The following FMO2 variants were observed in gnomAD, a reference collection of about 807,000 sequenced individuals.
FMO2 encodes the protein flavin-containing monooxygenase 2.
A neutral mutation model predicts 41.6 loss-of-function variants in FMO2; 33 were observed. That is an observed-to-expected ratio of 0.79 (90% confidence interval 0.60 to 1.06). The LOEUF (loss-of-function observed/expected upper bound fraction) is 1.06. FMO2 is among the 50% of genes least tolerant of loss of function. FMO2 has a pLI of 0.00. For synonymous variants in FMO2, 214 were observed against 219.6 expected (o/e 0.97, Z 0.23); for missense variants, 619 against 632.9 (o/e 0.98, Z 0.23).
At position 171,209,081 on chromosome 1, in the gene FMO2, T is replaced by C; in HGVS notation, c.1544T>C (p.Leu515Pro). Residue 515 changes from leucine (L) to proline (P), a missense_variant, in exon 9 of 9, where the codon CTG (leucine) becomes CCG (proline). By Grantham distance (98) the Leu-to-Pro change is moderately conservative (BLOSUM62 -3). Coordinates refer to ENST00000209929, the MANE Select transcript of FMO2 (RefSeq NM_001460.5). ...TCATCTAATTTCTCAGTTTCTTTTC[T>C]GTTGAAAATCCTGGGCCTTCTTGCT... ...KDSSNFSVSFLLKILGLLAVV... is the reference protein window; with the variant it reads ...KDSSNFSVSFPLKILGLLAVV... The C allele has an allele frequency of 9.7e-7, 1 of 1,030,924 alleles. No homozygotes were observed. Among genetic ancestry groups the C allele is most frequent in the Non-Finnish European group, 1.4e-6 (1 of 707,298 alleles). The allele number at this position is 1,030,924 out of a possible 1,614,324, so 63.9% of individuals were successfully genotyped here. A position where few individuals can be genotyped will look rare whatever the true frequency, so the allele number is the denominator to read the frequency against.
intron 2 of FMO2, among the ~76,000 whole-genome samples, chr1:171,187,143 G>A (rs1657886914): frequency 6.6e-6 from 1 of 152,200 alleles, no homozygotes; most frequent in Admixed American, 6.5e-5. Context: ...AAACAGATAA[G>A]CCCTGACTTA....
intron 2 of FMO2, among the ~76,000 whole-genome samples, chr1:171,187,006 T>C (rs1186321758): frequency 6.6e-6 from 1 of 152,196 alleles, no homozygotes. Context: ...GTTCAATAAA[T>C]GTTAGCTACT....
At chr1:171,205,875 T>C (rs937772477) in intron 7 of FMO2, among the ~76,000 whole-genome samples, 1 of 152,206 alleles carries the variant, frequency 6.6e-6, no homozygotes, top group South Asian at 2.1e-4. Context: ...CAAGAGAATT[T>C]CAACTGGCAT....
intron 5 of FMO2, among the ~76,000 whole-genome samples, chr1:171,202,021 A>G (rs1171153522): frequency 6.6e-6 from 1 of 152,140 alleles, no homozygotes; most frequent in African/African-American, 2.4e-5. Flanking sequence ...TCATTTACAT[A>G]CTTCTGACCA....
rs1323052185 is a variant in FMO2, at chr1:171,211,180, G to A, written c.*2035G>A. 2 of 152,018 alleles carry A rather than the reference G, an allele frequency of 1.3e-5. No homozygotes were observed. The highest frequency in any genetic ancestry group is 2.9e-5 in the Non-Finnish European group (2 of 68,014). 9.4% of individuals were successfully genotyped at this position (152,018 alleles called of 1,614,324 possible). Reference sequence around the variant, plus strand: ...GGTCAGTGAATTACCACTGCCTGTGGGCCAAATCTAGCTCACTATCTGTTT... The same window carrying A: ...GGTCAGTGAATTACCACTGCCTGTGAGCCAAATCTAGCTCACTATCTGTTT... On this transcript the variant is annotated 3_prime_UTR_variant, in exon 9 of 9. Transcript: ENST00000209929.
Position 171,210,022 on chromosome 1 carries a change from T to C in FMO2, c.*877T>C, listed in dbSNP as rs368542536. On this transcript the variant is annotated 3_prime_UTR_variant, in exon 9 of 9. Coordinates refer to ENST00000209929, the MANE Select transcript of FMO2 (RefSeq NM_001460.5). ...TAGAACTAAAGATCATAATGTTGTC[T>C]TGTAATATATTTATTTACAAAACAC... The C allele has an allele frequency of 2.9e-4, 44 of 152,218 alleles. 1 individual carries two copies. Among genetic ancestry groups the C allele is most frequent in the Admixed American group, 1.4e-3 (21 of 15,278 alleles). The allele number at this position is 152,218 out of a possible 1,614,324, so 9.4% of individuals were successfully genotyped here. A position where few individuals can be genotyped will look rare whatever the true frequency, so the allele number is the denominator to read the frequency against.
Position 171,198,883 on chromosome 1 carries a change from G to A in FMO2, c.485-463G>A, listed in dbSNP as rs145744084. 5.9e-5 allele frequency among the ~76,000 whole-genome samples: 9 copies of A among 151,782 alleles called. No individual in the cohort carries two copies. The East Asian group carries it at 1.8e-3, about 30-fold the overall frequency. ...CTGAAATAAAAAATCAACCCCTTTGGTCCTGTTTTTTTGTTTGTTTTTTGT... is the reference window on the plus strand; with the variant it reads ...CTGAAATAAAAAATCAACCCCTTTGATCCTGTTTTTTTGTTTGTTTTTTGT... On this transcript the variant is annotated intron_variant, in intron 4 of 8. Transcript: ENST00000209929.
At chr1:171,205,091 CAA>C (rs1414332422) in intron 6 of FMO2, among the ~76,000 whole-genome samples, 186 bp from the exon 7 acceptor site, 5 of 152,088 alleles carry the variant, frequency 3.3e-5, no homozygotes, top group Non-Finnish European at 7.4e-5. Context: ...TATTTATTGA[CAA>C]GAGATATTTG....
intron 2 of FMO2, among the ~76,000 whole-genome samples, chr1:171,191,714 T>C (rs1658087789): frequency 6.6e-6 from 1 of 151,980 alleles, no homozygotes. Context: ...ATTTACTCTA[T>C]ACTACTCATA....
chr1:171,208,334 T>C (rs1241108724), intron 8 of FMO2, among the ~76,000 whole-genome samples: 1 of 152,218 alleles, frequency 6.6e-6, no homozygotes, highest in East Asian at 1.9e-4. Flanking sequence ...TTTTCTCATG[T>C]TCAAATTCAA....
chr1:171,207,265 C>T (rs1658798938), intron 7 of FMO2, among the ~76,000 whole-genome samples: 1 of 152,222 alleles, frequency 6.6e-6, no homozygotes, highest in South Asian at 2.1e-4. Context: ...AGGTTTATTT[C>T]AACAGCCTCT....
Position 171,212,513 on chromosome 1 carries a change from A to G in FMO2, c.*3368A>G, listed in dbSNP as rs1659022158. Among the ~76,000 whole-genome samples, 1 of 152,194 alleles carries G rather than the reference A, an allele frequency of 6.6e-6. No individual in the cohort carries two copies. The highest frequency in any genetic ancestry group is 2.1e-4 in the South Asian group (1 of 4,830). On this transcript the variant is annotated 3_prime_UTR_variant, in exon 9 of 9. Coordinates refer to ENST00000209929, the MANE Select transcript of FMO2 (RefSeq NM_001460.5). ...GGCTCCCTTTACTAACCTTTCTTTT[A>G]GCTATTCCCTTTATGATAGTTTCTT...
intron 7 of FMO2, 187 bp from the exon 8 acceptor site, chr1:171,207,531 A>G: frequency 1.9e-6 from 1 of 537,026 alleles, no homozygotes. Context: ...CATGCCGTAG[A>G]CTGTGCACCC....
intron 3 of FMO2, among the ~76,000 whole-genome samples, chr1:171,195,430 T>A (rs1658264968): frequency 6.6e-6 from 1 of 152,222 alleles, no homozygotes; most frequent in South Asian, 2.1e-4. Flanking sequence ...AAGATCCTGA[T>A]CCTCAAATCA....
At position 171,211,727 on chromosome 1, in the gene FMO2, T is replaced by C. The variant is rs952221015; in HGVS notation, c.*2582T>C. On this transcript the variant is annotated 3_prime_UTR_variant, in exon 9 of 9. Transcript: ENST00000209929. ...CCTCCATATATCCTGAACATCAAAC[T>C]ATCCCAGGAAAACCATCTAGAGTAG... Among the ~76,000 whole-genome samples, 3 of 152,158 alleles carry C rather than the reference T, an allele frequency of 2.0e-5. No individual in the cohort carries two copies. Among genetic ancestry groups the C allele is most frequent in the Non-Finnish European group, 2.9e-5 (2 of 68,018 alleles).
At chr1:171,206,454 G>T (rs1258588663) in intron 7 of FMO2, among the ~76,000 whole-genome samples, 1 of 152,174 alleles carries the variant, frequency 6.6e-6, no homozygotes, top group African/African-American at 2.4e-5. Flanking sequence ...GACGTATGAG[G>T]CAGAGAGAGA....
chr1:171,195,890 T>C (rs908100008), intron 3 of FMO2, among the ~76,000 whole-genome samples: 1 of 152,230 alleles, frequency 6.6e-6, no homozygotes, highest in African/African-American at 2.4e-5. Flanking sequence ...ATAGCAAATG[T>C]TAAAAACTAT....
chr1:171,197,976 T>C (rs1658369600), intron 4 of FMO2, among the ~76,000 whole-genome samples: 1 of 152,212 alleles, frequency 6.6e-6, no homozygotes, highest in Non-Finnish European at 1.5e-5. Context: ...ATATTCGGTT[T>C]CAGATATTTT....
chr1:171,191,705 T>C (rs1468428441), intron 2 of FMO2, among the ~76,000 whole-genome samples: 12 of 151,848 alleles, frequency 7.9e-5, no homozygotes, highest in Admixed American at 5.3e-4. Context: ...AACCCTCCTA[T>C]TTACTCTATA....
Sources: gnomAD v4.1 joint callset for allele counts (sites outside exome capture counted in the v4.1 genomes callset) on GRCh38, gnomAD v4.1.1 for gene constraint, MANE v1.5 for transcripts, NCBI Gene and HGNC (gene_info 2026-07-23, HGNC 2026-07-21) for gene names.